The following GAPVD1 variants were observed in gnomAD, a reference collection of about 807,000 sequenced individuals.
GAPVD1 encodes the protein GTPase activating protein and VPS9 domains 1.
In GAPVD1, 35 loss-of-function variants were observed where a neutral mutation model predicts 155.5. The observed-to-expected ratio is 0.23, with a 90% CI of 0.17 to 0.30. The LOEUF (loss-of-function observed/expected upper bound fraction) is 0.30, where lower values mean the gene tolerates loss of function less well. Ranked by LOEUF, GAPVD1 falls within the 10% of genes least tolerant of loss-of-function variation. The probability of loss-of-function intolerance (pLI) is 1.00; values close to 1 mark genes in which losing one functional copy is unlikely to be tolerated. For synonymous variants in GAPVD1, 636 were observed against 619.7 expected (o/e 1.03, Z -0.39); for missense variants, 1,429 against 1,775.7 (o/e 0.80, Z 3.51).
chr9:125,288,420 T>G (rs1838070362), intron 2 of GAPVD1, among the ~76,000 whole-genome samples: 1 of 152,174 alleles, frequency 6.6e-6, no homozygotes, highest in Non-Finnish European at 1.5e-5. Context: ...TTGTTAATAT[T>G]TAATGACAAT....
intron 10 of GAPVD1, 91 bp from the exon 11 acceptor site, chr9:125,323,707 C>T: frequency 3.3e-6 from 4 of 1,194,654 alleles, no homozygotes; most frequent in Admixed American, 3.5e-5. Context: ...ACACTTTAAT[C>T]AGTTGTTAGT....
chr9:125,360,790 C>T, intron 27 of GAPVD1, 65 bp downstream of exon 27: 1 of 1,172,294 alleles, frequency 8.5e-7, no homozygotes, highest in Non-Finnish European at 1.3e-6. Flanking sequence ...CACAGGGCTT[C>T]ACACAACCAT....
Position 125,302,267 on chromosome 9 carries a change from T to C in GAPVD1, c.470T>C (p.Ile157Thr). 6.2e-7 allele frequency: 1 copy of C among 1,614,140 alleles called. No homozygotes were observed. The highest frequency in any genetic ancestry group is 8.5e-7 in the Non-Finnish European group (1 of 1,180,004). ...CTCCTTCAGGTTTTGCGATACTTGA[T>C]TGAATTTGAACTTAAAGAAAGTGAC... ...SYLLQVLRYL[I>T]EFELKESDNP... Residue 157 changes from isoleucine to threonine, a missense_variant, in exon 5 of 28, where the codon ATT becomes ACT. Ile to Thr is a moderately conservative substitution (Grantham distance 89, BLOSUM62 -1). Coordinates refer to ENST00000297933, the MANE Select transcript of GAPVD1 (RefSeq NM_001282680.3).
Position 125,292,266 on chromosome 9 carries a change from AC to A in GAPVD1, c.-149-3191del, listed in dbSNP as rs1445857267. 3.3e-5 allele frequency among the ~76,000 whole-genome samples: 5 copies of A among 152,146 alleles called. No individual in the cohort carries two copies. The East Asian group carries it at 9.6e-4, about 29-fold the overall frequency. On this transcript the variant is annotated intron_variant, in intron 2 of 27. Coordinates refer to ENST00000297933, the MANE Select transcript of GAPVD1 (RefSeq NM_001282680.3). ...AAAACAAAACCATAAGACAACAACA[AC>A]AAAAGAAACACAAAGCTGTTTAGAG...
At chr9:125,270,049 T>G (rs979479630) in intron 2 of GAPVD1, among the ~76,000 whole-genome samples, 1 of 152,062 alleles carries the variant, frequency 6.6e-6, no homozygotes, top group African/African-American at 2.4e-5. Context: ...CTAGGACCAA[T>G]AATTTTTTTT....
rs754808230 is a variant in GAPVD1, at chr9:125,342,275, C to T, written c.3022C>T (p.Pro1008Ser). Residue 1008 changes from proline (P) to serine (S), a missense_variant, in exon 19 of 28, where the codon CCT becomes TCT. Pro to Ser is a moderately conservative substitution (Grantham distance 74). This residue lies in a region of GAPVD1 where 699 missense variants were observed against 826.0 expected (regional missense o/e 0.85). Coordinates refer to ENST00000297933, the MANE Select transcript of GAPVD1 (RefSeq NM_001282680.3). Reference protein sequence around the residue: ...KQEKDKDDLGPDRFSTLTDDP... With the variant: ...KQEKDKDDLGSDRFSTLTDDP... The stretch of plus-strand genomic sequence containing the variant: ...AGAAAAAGACAAAGATGATCTGGGG[C>T]CTGACAGATTCTCAACACTCACAGG... 5.0e-6 allele frequency: 8 copies of T among 1,594,932 alleles called. No homozygotes were observed. In the East Asian group the frequency reaches 1.8e-4, roughly 36 times the overall value.
At chr9:125,307,057 G>A (rs1841947481) in intron 6 of GAPVD1, among the ~76,000 whole-genome samples, 1 of 152,010 alleles carries the variant, frequency 6.6e-6, no homozygotes, top group Non-Finnish European at 1.5e-5. Flanking sequence ...CCTGAGGTCA[G>A]GAGTTCAAGA....
chr9:125,336,166 G>A (rs1589022531), intron 15 of GAPVD1, among the ~76,000 whole-genome samples: 1 of 148,594 alleles, frequency 6.7e-6, no homozygotes, highest in African/African-American at 2.5e-5. Flanking sequence ...AAAAAAGCCT[G>A]AGACCAAAAT....
intron 8 of GAPVD1, among the ~76,000 whole-genome samples, chr9:125,310,224 G>A (rs972859718): frequency 6.6e-6 from 1 of 151,990 alleles, no homozygotes; most frequent in Non-Finnish European, 1.5e-5. Context: ...TAAAAGATAG[G>A]GTGAGCAAAT....
chr9:125,318,895 G>C (rs887664436), intron 9 of GAPVD1, among the ~76,000 whole-genome samples: 1 of 151,878 alleles, frequency 6.6e-6, no homozygotes, highest in Non-Finnish European at 1.5e-5. Flanking sequence ...TAATAAATAG[G>C]CCAGGCGCAG....
Position 125,354,766 on chromosome 9 carries a change from A to G in GAPVD1, c.3682A>G (p.Asn1228Asp). The G allele has an allele frequency of 1.2e-6, 2 of 1,613,888 alleles. No homozygotes were observed. The highest frequency in any genetic ancestry group is 1.7e-6 in the Non-Finnish European group (2 of 1,179,726). Residue 1228 changes from asparagine to aspartate, a missense_variant, in exon 24 of 28, where the codon AAT (asparagine) becomes GAT (aspartate). Physicochemically the swap from Asn to Asp is conservative, Grantham distance 23 (BLOSUM62 1). This residue lies in a region of GAPVD1 where 699 missense variants were observed against 826.0 expected (regional missense o/e 0.85). Coordinates refer to ENST00000297933, the MANE Select transcript of GAPVD1 (RefSeq NM_001282680.3). ...QRVLRDKEVA[N>D]RYFTTVCVRL... ...AGTTTTGCGGGACAAAGAAGTGGCC[A>G]ATCGATACTTTACCACTGTCTGTGT...
intron 2 of GAPVD1, among the ~76,000 whole-genome samples, chr9:125,291,175 G>A (rs974202331): frequency 3.9e-5 from 6 of 152,028 alleles, no homozygotes; most frequent in African/African-American, 1.4e-4. Flanking sequence ...TGTAGTCCCA[G>A]CTACTCAGGA....
intron 2 of GAPVD1, among the ~76,000 whole-genome samples, chr9:125,290,122 A>G (rs538991131): frequency 6.6e-6 from 1 of 152,314 alleles, no homozygotes; most frequent in South Asian, 2.1e-4. Context: ...TAGTGGAGCA[A>G]AACTGATGAG....
At chr9:125,266,393 A>G (rs1441827075) in intron 1 of GAPVD1, among the ~76,000 whole-genome samples, 3 of 151,682 alleles carry the variant, frequency 2.0e-5, no homozygotes, top group African/African-American at 7.3e-5. Flanking sequence ...GGCTCACTGC[A>G]AGCTCTGCCT....
In GAPVD1 at chr9:125,301,926, GTTA is replaced by G; in HGVS notation, c.186-47_186-45del. On this transcript the variant is annotated intron_variant, in intron 4 of 27. Coordinates refer to ENST00000297933, the MANE Select transcript of GAPVD1 (RefSeq NM_001282680.3). Reference sequence around the variant, plus strand: ...ATCCATGTTTGGATATAGTATATGTGTTATTATTATTAATACTATTATTTTGCT... The same window carrying G: ...ATCCATGTTTGGATATAGTATATGTGTTATTATTAATACTATTATTTTGCT... 3.1e-6 allele frequency: 4 copies of G among 1,277,202 alleles called. No individual in the cohort carries two copies. In the South Asian group the frequency reaches 4.5e-5, roughly 14 times the overall value. 79.1% of individuals were successfully genotyped at this position (1,277,202 alleles called of 1,614,324 possible). A position where few individuals can be genotyped will look rare whatever the true frequency, so the allele number is the denominator to read the frequency against.
At position 125,302,258 on chromosome 9, in the gene GAPVD1, G is replaced by C; in HGVS notation, c.461G>C (p.Arg154Pro). The C allele has an allele frequency of 6.2e-7, 1 of 1,614,084 alleles. No homozygotes were observed. Among genetic ancestry groups the C allele is most frequent in the Non-Finnish European group, 8.5e-7 (1 of 1,179,996 alleles). The change falls in exon 5 of 28, where the codon CGA becomes CCA. Residue 154 changes from arginine to proline, a missense_variant. Arg to Pro is a moderately radical substitution (Grantham distance 103, BLOSUM62 -2). Transcript: ENST00000297933. ...GAAAGCTACCTCCTTCAGGTTTTGC[G>C]ATACTTGATTGAATTTGAACTTAAA... is the stretch of plus-strand genomic sequence containing the variant. The part of the protein sequence containing the change: ...EDESYLLQVL[R>P]YLIEFELKES...
intron 9 of GAPVD1, among the ~76,000 whole-genome samples, chr9:125,317,364 G>A (rs1232629944): frequency 4.0e-5 from 6 of 151,084 alleles, no homozygotes; most frequent in Non-Finnish European, 8.8e-5. Context: ...GGTGGCTCAC[G>A]CCTGTAATCC....
At chr9:125,280,042 C>CCT (rs1564276452) in intron 2 of GAPVD1, among the ~76,000 whole-genome samples, 1 of 149,828 alleles carries the variant, frequency 6.7e-6, no homozygotes, top group African/African-American at 2.4e-5. Flanking sequence ...GGATTACAGG[C>CCT]GTGAGCCGCT....
intron 2 of GAPVD1, among the ~76,000 whole-genome samples, chr9:125,292,763 T>A (rs1339250311): frequency 6.6e-6 from 1 of 152,162 alleles, no homozygotes; most frequent in Non-Finnish European, 1.5e-5. Flanking sequence ...TCTTGCCAAA[T>A]ACATGCAGGA....
Sources: gnomAD v4.1 joint callset for allele counts (sites outside exome capture counted in the v4.1 genomes callset) on GRCh38, gnomAD v4.1.1 for gene constraint, gnomAD v4.1.1 regional missense constraint, MANE v1.5 for transcripts, NCBI Gene and HGNC (gene_info 2026-07-23, HGNC 2026-07-21) for gene names.